The following ELP4 variants were observed in gnomAD, a reference collection of about 807,000 sequenced individuals.
ELP4 encodes elongator acetyltransferase complex subunit 4, also known as elongator complex protein 4.
In ELP4, 51 loss-of-function variants were observed where a neutral mutation model predicts 48.9. The observed-to-expected ratio is 1.04, with a 90% confidence interval of 0.83 to 1.32. The LOEUF is 1.32. Ranked by LOEUF, ELP4 falls within the 40% of genes most tolerant of loss-of-function variation. ELP4 has a pLI of 0.00. For synonymous variants in ELP4, 210 were observed against 189.2 expected (o/e 1.11, Z -0.90); for missense variants, 519 against 514.6 (o/e 1.01, Z -0.08).
Position 31,783,565 on chromosome 11 carries a change from T to A in ELP4, c.*41T>A. ...CGCTGCATGCAGAATTCTATGACAC[T>A]CTAATTATGATTGCTAATAGCTTAT... On this transcript the variant is annotated 3_prime_UTR_variant, in exon 10 of 10. Transcript: ENST00000640961. 6.3e-7 allele frequency: 1 copy of A among 1,581,834 alleles called. No individual in the cohort carries two copies. The highest frequency in any genetic ancestry group is 8.6e-7 in the Non-Finnish European group (1 of 1,158,508).
intron 9 of ELP4, chr11:31,719,555 A>T (rs1946913992): frequency 2.5e-6 from 1 of 398,118 alleles, no homozygotes; most frequent in Non-Finnish European, 4.4e-6. Context: ...TTATCAGCAG[A>T]TCTGAAAGCC....
chr11:31,712,468 A>G (rs1347762314), intron 9 of ELP4, among the ~76,000 whole-genome samples: 1 of 152,140 alleles, frequency 6.6e-6, no homozygotes, highest in African/African-American at 2.4e-5. Flanking sequence ...TAGCTTTTCT[A>G]CATCCCCCAA....
intron 9 of ELP4, among the ~76,000 whole-genome samples, chr11:31,658,228 G>GAT (rs372643995): frequency 6.6e-5 from 10 of 151,272 alleles, no homozygotes; most frequent in Admixed American, 1.3e-4. Context: ...GTGTTAATGT[G>GAT]ATATATATAT....
At chr11:31,629,424 T>A (rs943117699) in intron 6 of ELP4, among the ~76,000 whole-genome samples, 4 of 152,134 alleles carry the variant, frequency 2.6e-5, no homozygotes, top group Admixed American at 2.6e-4. Context: ...TTATATTTTT[T>A]AAAATATAAG....
intron 5 of ELP4, among the ~76,000 whole-genome samples, chr11:31,614,666 T>C (rs2134017739): frequency 6.6e-6 from 1 of 152,308 alleles, no homozygotes; most frequent in East Asian, 1.9e-4. Context: ...GTAGTGGGGA[T>C]GATCAAAAGC....
chr11:31,753,643 C>G (rs1947773646), intron 9 of ELP4, among the ~76,000 whole-genome samples: 1 of 152,036 alleles, frequency 6.6e-6, no homozygotes, highest in South Asian at 2.1e-4. Context: ...GATATACACT[C>G]TAGAACAACT....
chr11:31,744,855 C>T (rs1947544570), intron 9 of ELP4, among the ~76,000 whole-genome samples: 3 of 152,142 alleles, frequency 2.0e-5, no homozygotes, highest in Admixed American at 2.0e-4. Flanking sequence ...TCTCTCACCA[C>T]TCCTATTCAA....
Position 31,579,515 on chromosome 11 carries a change from G to A in ELP4, c.382-15255G>A, listed in dbSNP as rs936758265. 9.9e-5 allele frequency among the ~76,000 whole-genome samples: 15 copies of A among 152,252 alleles called. 1 individual carries two copies. Among genetic ancestry groups the A allele is most frequent in the Admixed American group, 7.9e-4 (12 of 15,284 alleles). ...GTTTATTGCGGCACTTTTCGCAATA[G>A]CAAAGACTGGGAACCAACCCAGATG... On this transcript the variant is annotated intron_variant, in intron 3 of 9. Transcript: ENST00000640961.
intron 9 of ELP4, among the ~76,000 whole-genome samples, chr11:31,740,965 G>C (rs966095424): frequency 4.6e-5 from 7 of 152,250 alleles, no homozygotes; most frequent in Non-Finnish European, 1.0e-4. Context: ...GGAAGTGCAA[G>C]GGGTCAGGGA....
rs1453157690 is a variant in ELP4 at position 31,603,872 on chromosome 11, A to G, written c.618A>G (p.Pro206=). The G allele has an allele frequency of 6.2e-7, 1 of 1,611,906 alleles. No individual in the cohort carries two copies. Among genetic ancestry groups the G allele is most frequent in the Non-Finnish European group, 8.5e-7 (1 of 1,178,510 alleles). Reference sequence around the variant, plus strand: ...CAAATTGGCATGGATTTTTTCTTCCAGAGAAAATATCTTCAACTCTCAAAG... The same window carrying G: ...CAAATTGGCATGGATTTTTTCTTCCGGAGAAAATATCTTCAACTCTCAAAG... ...EASNWHGFFL[P]EKISSTLKVE... Residue 206 remains proline, a synonymous_variant, in exon 5 of 10, where the codon CCA becomes CCG. Transcript: ENST00000640961.
intron 9 of ELP4, chr11:31,762,049 T>C (rs1947956340): frequency 6.6e-6 from 1 of 152,228 alleles, no homozygotes; most frequent in Admixed American, 6.5e-5. Context: ...AAATGGACCA[T>C]CCTGACAGTT....
At chr11:31,524,316 T>C (rs1956262610) in intron 2 of ELP4, among the ~76,000 whole-genome samples, 1 of 152,248 alleles carries the variant, frequency 6.6e-6, no homozygotes, top group African/African-American at 2.4e-5. Context: ...ACAAGGGAAC[T>C]ATCTGCTTTC....
chr11:31,559,915 A>AAT (rs1021593838), intron 3 of ELP4, among the ~76,000 whole-genome samples: 7 of 151,744 alleles, frequency 4.6e-5, no homozygotes, highest in African/African-American at 7.3e-5. Context: ...TAAAAAAAAA[A>AAT]AAAAAAGGCA....
chr11:31,776,277 G>T (rs916876692), intron 9 of ELP4, among the ~76,000 whole-genome samples: 6 of 152,216 alleles, frequency 3.9e-5, no homozygotes, highest in Non-Finnish European at 5.9e-5. Context: ...TAGGGCAGGG[G>T]CTCTCTTGCC....
chr11:31,704,436 A>G (rs1182916879), intron 9 of ELP4, among the ~76,000 whole-genome samples: 2 of 151,988 alleles, frequency 1.3e-5, no homozygotes, highest in Non-Finnish European at 1.5e-5. Context: ...GAATTGAACA[A>G]TGAGAACACT....
chr11:31,536,654 C>T (rs1956506763), intron 2 of ELP4, among the ~76,000 whole-genome samples: 1 of 152,180 alleles, frequency 6.6e-6, no homozygotes, highest in African/African-American at 2.4e-5. Flanking sequence ...ATCTGGTCTG[C>T]CAAACTGTTT....
At chr11:31,697,965 T>A (rs201366986) in intron 9 of ELP4, among the ~76,000 whole-genome samples, 10 of 141,472 alleles carry the variant, frequency 7.1e-5, no homozygotes, top group South Asian at 2.3e-4. Flanking sequence ...GCTTTTTTTT[T>A]AAAAGGATTT....
intron 8 of ELP4, chr11:31,648,167 TATTA>T (rs1399000158): frequency 5.6e-6 from 1 of 177,196 alleles, no homozygotes; most frequent in African/African-American, 2.4e-5. Flanking sequence ...ATAAATATCG[TATTA>T]ATTCTAATAA....
At chr11:31,763,364 C>G in intron 9 of ELP4, 1 of 1,532,866 alleles carries the variant, frequency 6.5e-7, no homozygotes, top group Non-Finnish European at 8.8e-7. Context: ...TCCATCCCTT[C>G]AAAATTACTG....
Sources: gnomAD v4.1 joint callset for allele counts (sites outside exome capture counted in the v4.1 genomes callset) on GRCh38, gnomAD v4.1.1 for gene constraint, MANE v1.5 for transcripts, NCBI Gene and HGNC (gene_info 2026-07-23, HGNC 2026-07-21) for gene names.